STK4: variants seen among roughly 807,000 people sequenced by gnomAD.
STK4 encodes the protein serine/threonine kinase 4.
Under a neutral mutation model 64.9 loss-of-function variants are expected in STK4, and 30 were observed. That is an observed-to-expected ratio of 0.46 (90% CI 0.35 to 0.63). STK4 has a LOEUF of 0.63. Ranked by LOEUF, STK4 falls within the 20% of genes least tolerant of loss-of-function variation. The pLI is 0.01. For synonymous variants in STK4, 177 were observed against 199.0 expected, an observed-to-expected ratio of 0.89 and a Z score of 0.93; for missense variants, 466 against 598.5, an observed-to-expected ratio of 0.78 and a Z score of 2.31.
At chr20:44,982,255 T>C (rs564112737) in intron 4 of STK4, among the ~76,000 whole-genome samples, 1 of 152,166 alleles carries the variant, frequency 6.6e-6, no homozygotes, top group Non-Finnish European at 1.5e-5. Flanking sequence ...TAGCTGGGAC[T>C]ACAGGCGTGT....
Position 45,077,031 on chromosome 20 carries a change from C to A in STK4, c.*1855C>A, listed in dbSNP as rs903198374. 2.6e-5 allele frequency: 4 copies of A among 152,200 alleles called. No individual in the cohort carries two copies. The highest frequency in any genetic ancestry group is 9.7e-5 in the African/African-American group (4 of 41,440). The allele number at this position is 152,200 out of a possible 1,614,324, so 9.4% of individuals were successfully genotyped here. On this transcript the variant is annotated 3_prime_UTR_variant, in exon 11 of 11. Transcript: ENST00000372806. Reference sequence around the variant, plus strand: ...TATATCAGGCACTGAGCTGGGTAGGCTCTAAACTTCACAATAACCCTGTGA... The same window carrying A: ...TATATCAGGCACTGAGCTGGGTAGGATCTAAACTTCACAATAACCCTGTGA...
Position 45,005,647 on chromosome 20 carries a change from C to CAA in STK4, c.1147+4313_1147+4314dup, listed in dbSNP as rs1214893882. 7.5e-3 allele frequency among the ~76,000 whole-genome samples: 491 copies of CAA among 65,424 alleles called. 11 individuals carry two copies. The highest frequency in any genetic ancestry group is 0.024 in the African/African-American group (396 of 16,240). 42.9% of individuals were successfully genotyped at this position (65,424 alleles called of 152,430 possible). A position where few individuals can be genotyped will look rare whatever the true frequency, so the allele number is the denominator to read the frequency against. The stretch of plus-strand genomic sequence containing the variant: ...TGGGCAACAGAGCGAGACTCTGTCT[C>CAA]AAAAAAAAAAAAAAAAAAAACAAAA... On this transcript the variant is annotated intron_variant, in intron 9 of 10. Coordinates refer to ENST00000372806, the MANE Select transcript of STK4 (RefSeq NM_006282.5).
At chr20:45,032,041 A>G (rs1250621633) in intron 10 of STK4, among the ~76,000 whole-genome samples, 3 of 152,170 alleles carry the variant, frequency 2.0e-5, no homozygotes, top group Non-Finnish European at 2.9e-5. Context: ...TGAAACATAC[A>G]TATTTATCCC....
At chr20:45,010,469 C>T (rs2068025822) in intron 9 of STK4, among the ~76,000 whole-genome samples, 1 of 152,192 alleles carries the variant, frequency 6.6e-6, no homozygotes, top group African/African-American at 2.4e-5. Flanking sequence ...ATATACCACA[C>T]ACTGTGATTT....
At chr20:45,049,420 C>T (rs965810169) in intron 10 of STK4, among the ~76,000 whole-genome samples, 1 of 152,184 alleles carries the variant, frequency 6.6e-6, no homozygotes, top group Non-Finnish European at 1.5e-5. Context: ...GTTATTTTCA[C>T]ACATTGGGAA....
At chr20:45,023,895 CTTTTTTTT>C (rs752584355) in intron 9 of STK4, among the ~76,000 whole-genome samples, 1 of 111,322 alleles carries the variant, frequency 9.0e-6, no homozygotes, top group African/African-American at 3.7e-5. Flanking sequence ...ATACTAACTT[CTTTTTTTT>C]TTTTTTTTTT....
intron 10 of STK4, among the ~76,000 whole-genome samples, chr20:45,030,201 G>C (rs1193199872): frequency 6.6e-6 from 1 of 151,450 alleles, no homozygotes; most frequent in Non-Finnish European, 1.5e-5. Flanking sequence ...CTGCCGCCCG[G>C]GTTCAAGCAC....
chr20:45,060,633 C>A (rs1264489390), intron 10 of STK4, among the ~76,000 whole-genome samples: 1 of 152,168 alleles, frequency 6.6e-6, no homozygotes, highest in Non-Finnish European at 1.5e-5. Context: ...TCTCTCTAAG[C>A]CTCCAGTGTC....
chr20:45,000,412 C>G lies in STK4; in HGVS notation c.852C>G (p.Ala284=). Residue 284 remains alanine, a synonymous_variant, in exon 8 of 11, where the codon GCC becomes GCG. Coordinates refer to ENST00000372806, the MANE Select transcript of STK4 (RefSeq NM_006282.5). ...QLLQHPFVRS[A]KGVSILRDLI... Reference sequence around the variant, plus strand: ...TTTAGCACCCATTTGTCAGGAGTGCCAAAGGAGTGTCAATACTGCGAGACT... The same window carrying G: ...TTTAGCACCCATTTGTCAGGAGTGCGAAAGGAGTGTCAATACTGCGAGACT... 6.2e-7 allele frequency: 1 copy of G among 1,613,626 alleles called. No homozygotes were observed. Among genetic ancestry groups the G allele is most frequent in the Non-Finnish European group, 8.5e-7 (1 of 1,179,756 alleles).
intron 5 of STK4, among the ~76,000 whole-genome samples, chr20:44,991,907 GC>G (rs1262426501): frequency 6.6e-6 from 1 of 151,990 alleles, no homozygotes; most frequent in African/African-American, 2.4e-5. Context: ...CAAGCAATCT[GC>G]CCCCCTTGGC....
At chr20:44,992,057 A>G (rs1467832835) in intron 5 of STK4, among the ~76,000 whole-genome samples, 2 of 152,102 alleles carry the variant, frequency 1.3e-5, no homozygotes, top group African/African-American at 2.4e-5. Context: ...ATGCTGAAAT[A>G]TCTTCTAGTT....
Position 44,991,292 on chromosome 20 carries a change from A to G in STK4, c.526-3798A>G, listed in dbSNP as rs577880520. On this transcript the variant is annotated intron_variant, in intron 5 of 10. Coordinates refer to ENST00000372806, the MANE Select transcript of STK4 (RefSeq NM_006282.5). ...TAAGGTTGCTTAGAGTTTTCCCACC[A>G]CTATAAACATAAACTCTGTGATTAA... Among the ~76,000 whole-genome samples, 7 of 152,350 alleles carry G rather than the reference A, an allele frequency of 4.6e-5. No individual in the cohort carries two copies. The South Asian group carries it at 1.4e-3, about 32-fold the overall frequency.
intron 10 of STK4, among the ~76,000 whole-genome samples, chr20:45,053,646 G>A (rs1978305171): frequency 6.6e-6 from 1 of 152,148 alleles, no homozygotes; most frequent in African/African-American, 2.4e-5. Context: ...TGACAGATGG[G>A]CATGTCTTGA....
intron 3 of STK4, among the ~76,000 whole-genome samples, chr20:44,979,254 G>A (rs1312134083): frequency 6.6e-6 from 1 of 152,056 alleles, no homozygotes; most frequent in East Asian, 1.9e-4. Context: ...TAATTCAAAT[G>A]TTTTTTAGTT....
intron 9 of STK4, among the ~76,000 whole-genome samples, chr20:45,001,781 A>C (rs1297468055): frequency 1.3e-5 from 2 of 152,232 alleles, no homozygotes; most frequent in African/African-American, 4.8e-5. Flanking sequence ...CAATACTGTC[A>C]GTCAATGAAA....
At chr20:45,071,472 G>A (rs904950809) in intron 10 of STK4, among the ~76,000 whole-genome samples, 1 of 152,192 alleles carries the variant, frequency 6.6e-6, no homozygotes, top group African/African-American at 2.4e-5. Flanking sequence ...TGCCTGGCTG[G>A]CTGTGTTGTA....
chr20:44,971,291 G>A (rs897752233), intron 1 of STK4, among the ~76,000 whole-genome samples: 1 of 152,040 alleles, frequency 6.6e-6, no homozygotes, highest in African/African-American at 2.4e-5. Flanking sequence ...TTTGATTTTT[G>A]GGACTAGTCA....
At chr20:44,985,747 A>C (rs1380658350) in intron 4 of STK4, among the ~76,000 whole-genome samples, 1 of 152,238 alleles carries the variant, frequency 6.6e-6, no homozygotes, top group Non-Finnish European at 1.5e-5. Context: ...GACACTCTTA[A>C]AAGTTATATT....
At chr20:44,971,837 A>T (rs1317487445) in intron 1 of STK4, among the ~76,000 whole-genome samples, 1 of 151,572 alleles carries the variant, frequency 6.6e-6, no homozygotes, top group Non-Finnish European at 1.5e-5. Context: ...CGCCCAGCTA[A>T]TTTTTTTGTA....
Sources: allele counts gnomAD v4.1 joint callset (sites outside exome capture counted in the v4.1 genomes callset), GRCh38; gene constraint gnomAD v4.1.1; transcripts MANE v1.5; gene names NCBI Gene and HGNC (gene_info 2026-07-23, HGNC 2026-07-21).